DSCAML1: variants seen among roughly 807,000 people sequenced by gnomAD.
The protein encoded by DSCAML1 is cell adhesion molecule DSCAML1.
In DSCAML1, 38 loss-of-function variants were observed where a neutral mutation model predicts 200.5. That is an observed-to-expected ratio of 0.19 (90% CI 0.15 to 0.25). DSCAML1 has a LOEUF of 0.25. Among genes scored for constraint, DSCAML1 ranks in the 10% least tolerant of loss-of-function variants. The pLI is 1.00. For synonymous variants in DSCAML1, 1,215 were observed against 1,165.0 expected (o/e 1.04, Z -0.87); for missense variants, 2,223 against 2,858.8 (o/e 0.78, Z 5.07).
rs546048288 is a variant in DSCAML1, at chr11:117,456,459, T to A, written c.3568+2295A>T. Among the ~76,000 whole-genome samples, 9 of 144,158 alleles carry A rather than the reference T, an allele frequency of 6.2e-5. No individual in the cohort carries two copies. The South Asian group carries it at 1.7e-3, about 27-fold the overall frequency. The allele number at this position is 144,158 out of a possible 152,430, so 94.6% of individuals were successfully genotyped here. ...CAAGAAAGCCTGGATTTGTCACCTGTTAGTTGAGCGGCATTTGGAAAGTAG... is the reference window on the plus strand; with the variant it reads ...CAAGAAAGCCTGGATTTGTCACCTGATAGTTGAGCGGCATTTGGAAAGTAG... On this transcript the variant is annotated intron_variant, in intron 19 of 32. Transcript: ENST00000651296.
Position 117,428,202 on chromosome 11 carries a change from T to G in DSCAML1, c.*126A>C, listed in dbSNP as rs1440766827. 4 of 634,460 alleles carry G rather than the reference T, an allele frequency of 6.3e-6. No homozygotes were observed. The highest frequency in any genetic ancestry group is 1.1e-5 in the Non-Finnish European group (4 of 353,738). 39.3% of individuals were successfully genotyped at this position (634,460 alleles called of 1,614,324 possible). ...ATGTACAGGCGTTCATGATTGGGGG[T>G]TTTTGTTTTGTCGTTGGTTGGTTTT... is the stretch of plus-strand genomic sequence containing the variant. On this transcript the variant is annotated 3_prime_UTR_variant, in exon 33 of 33. Transcript: ENST00000651296.
chr11:117,718,194 G>C (rs2053984960), intron 3 of DSCAML1, among the ~76,000 whole-genome samples: 1 of 152,220 alleles, frequency 6.6e-6, no homozygotes, highest in Non-Finnish European at 1.5e-5. Flanking sequence ...GCCGGCTCCA[G>C]CCTCTCTAGA....
At chr11:117,794,570 C>T (rs2055536511) in intron 1 of DSCAML1, among the ~76,000 whole-genome samples, 1 of 152,070 alleles carries the variant, frequency 6.6e-6, no homozygotes, top group Admixed American at 6.5e-5. Flanking sequence ...CTGCCTCCTC[C>T]CGCTCCTCAC....
In DSCAML1 at chr11:117,533,389, T is replaced by C. The variant is rs77547015; in HGVS notation, c.512-867A>G. ...GTGGACTGGAACTTCTGACTCCCAG[T>C]TGTCCTTCTGCATGGAATTATACAT... On this transcript the variant is annotated intron_variant, in intron 3 of 32. Transcript: ENST00000651296. Among the ~76,000 whole-genome samples the C allele has an allele frequency of 4.5e-3, 685 of 152,334 alleles. 2 individuals are homozygous for C. The highest frequency in any genetic ancestry group is 7.4e-3 in the Non-Finnish European group (505 of 68,026).
At chr11:117,541,910 C>A (rs1019773944) in intron 3 of DSCAML1, among the ~76,000 whole-genome samples, 1 of 152,148 alleles carries the variant, frequency 6.6e-6, no homozygotes, top group Non-Finnish European at 1.5e-5. Context: ...GGAAATGCTA[C>A]CCCCAGCCCG....
intron 11 of DSCAML1, among the ~76,000 whole-genome samples, chr11:117,485,126 A>C (rs2049017966): frequency 6.6e-6 from 1 of 152,080 alleles, no homozygotes; most frequent in African/African-American, 2.4e-5. Flanking sequence ...TTGGCCAATG[A>C]AGCAGGGACC....
At chr11:117,532,297 G>T in intron 4 of DSCAML1, 79 bp downstream of exon 4, 1 of 1,458,786 alleles carries the variant, frequency 6.9e-7, no homozygotes, top group Non-Finnish European at 9.3e-7. Context: ...CATCTGCGGT[G>T]GGGCGTGCCA....
intron 3 of DSCAML1, among the ~76,000 whole-genome samples, chr11:117,687,940 G>A (rs1331826740): frequency 6.6e-6 from 1 of 152,198 alleles, no homozygotes; most frequent in Non-Finnish European, 1.5e-5. Context: ...CAAGTAACAA[G>A]GATGTCTATG....
intron 3 of DSCAML1, among the ~76,000 whole-genome samples, chr11:117,578,854 G>A (rs940848467): frequency 6.6e-6 from 1 of 152,036 alleles, no homozygotes; most frequent in Non-Finnish European, 1.5e-5. Context: ...CCACCTGAAT[G>A]TCTAATAGTC....
At chr11:117,490,701 C>T (rs986705245) in intron 11 of DSCAML1, among the ~76,000 whole-genome samples, 2 of 152,256 alleles carry the variant, frequency 1.3e-5, no homozygotes, top group African/African-American at 4.8e-5. Flanking sequence ...TGTAAGGTCA[C>T]ACAGCTGGTG....
chr11:117,714,396 G>A (rs1333273033), intron 3 of DSCAML1, among the ~76,000 whole-genome samples: 1 of 152,196 alleles, frequency 6.6e-6, no homozygotes, highest in East Asian at 1.9e-4. Context: ...AGCATCTGCA[G>A]GTGGTGCCTG....
At chr11:117,539,606 CAAAA>C (rs35130897) in intron 3 of DSCAML1, among the ~76,000 whole-genome samples, 20 of 52,608 alleles carry the variant, frequency 3.8e-4, no homozygotes, top group African/African-American at 7.3e-4. Flanking sequence ...AAAACTCTGT[CAAAA>C]AAAAAAAAAA....
chr11:117,807,972 C>T (rs2055723213), intron 1 of DSCAML1, among the ~76,000 whole-genome samples: 1 of 152,156 alleles, frequency 6.6e-6, no homozygotes, highest in Admixed American at 6.5e-5. Context: ...CAGGTGCATG[C>T]CACCACACCC....
chr11:117,726,657 G>A lies in DSCAML1; in HGVS notation c.511+50134C>T, dbSNP rs578158016. 2.0e-5 allele frequency among the ~76,000 whole-genome samples: 3 copies of A among 152,230 alleles called. No homozygotes were observed. The East Asian group carries it at 5.8e-4, about 29-fold the overall frequency. On this transcript the variant is annotated intron_variant, in intron 3 of 32. Coordinates refer to ENST00000651296, the MANE Select transcript of DSCAML1 (RefSeq NM_020693.4). ...CCACTCTTTCTTCGCAAGATCTAGTGTTCAAGCCATCTGCTGAGTAAGCCA... is the reference window on the plus strand; with the variant it reads ...CCACTCTTTCTTCGCAAGATCTAGTATTCAAGCCATCTGCTGAGTAAGCCA...
intron 32 of DSCAML1, among the ~76,000 whole-genome samples, chr11:117,430,014 GC>G (rs1267656876): frequency 1.3e-5 from 2 of 152,090 alleles, no homozygotes. Flanking sequence ...AGAAAGCCCC[GC>G]CCCCTGCCTC....
chr11:117,451,264 C>T (rs550870490), intron 19 of DSCAML1, among the ~76,000 whole-genome samples: 14 of 152,224 alleles, frequency 9.2e-5, no homozygotes, highest in African/African-American at 2.6e-4. Context: ...TGTCCCCTTG[C>T]CCTCCTCTCT....
intron 3 of DSCAML1, among the ~76,000 whole-genome samples, chr11:117,610,811 T>C (rs907799984): frequency 6.8e-6 from 1 of 147,092 alleles, no homozygotes; most frequent in Non-Finnish European, 1.5e-5. Flanking sequence ...CAAGTAACAC[T>C]GCCCAAACCC....
At chr11:117,451,017 C>A (rs779921233) in intron 19 of DSCAML1, among the ~76,000 whole-genome samples, 3 of 152,130 alleles carry the variant, frequency 2.0e-5, no homozygotes, top group Non-Finnish European at 2.9e-5. Context: ...TGACCTTAAC[C>A]CCTGACCCTC....
At chr11:117,629,482 C>T (rs1207073685) in intron 3 of DSCAML1, among the ~76,000 whole-genome samples, 1 of 147,258 alleles carries the variant, frequency 6.8e-6, no homozygotes, top group Non-Finnish European at 1.5e-5. Flanking sequence ...CAGTGCTCTC[C>T]CACCCCAAGA....
Sources: gnomAD v4.1 joint callset for allele counts (sites outside exome capture counted in the v4.1 genomes callset) on GRCh38, gnomAD v4.1.1 for gene constraint, MANE v1.5 for transcripts, NCBI Gene and HGNC (gene_info 2026-07-23, HGNC 2026-07-21) for gene names.